Variants in PCLO observed in about 807,000 individuals in gnomAD.
The protein encoded by PCLO is protein piccolo.
A neutral mutation model predicts 427.5 loss-of-function variants in PCLO; 82 were observed. That is an observed-to-expected ratio of 0.19 (90% CI 0.16 to 0.23). PCLO has a LOEUF of 0.23. PCLO is among the 10% of genes least tolerant of loss of function. The probability of loss-of-function intolerance (pLI) is 1.00; values close to 1 mark genes in which losing one functional copy is unlikely to be tolerated. For missense variants in PCLO, 6,239 were observed against 6,115.9 expected (o/e 1.02, Z -0.67); for synonymous variants, 2,357 against 2,155.4 (o/e 1.09, Z -2.59).
At chr7:83,103,158 T>C (rs1790776096) in intron 3 of PCLO, among the ~76,000 whole-genome samples, 1 of 152,060 alleles carries the variant, frequency 6.6e-6, no homozygotes, top group African/African-American at 2.4e-5. Context: ...CACTTGGTTA[T>C]TTTTTTGCCA....
chr7:82,802,708 A>G (rs1274699774), intron 21 of PCLO, among the ~76,000 whole-genome samples: 1 of 152,180 alleles, frequency 6.6e-6, no homozygotes, highest in Non-Finnish European at 1.5e-5. Context: ...ACTAACAATT[A>G]ATTATAACTT....
At chr7:82,816,231 T>C (rs1791676248) in intron 20 of PCLO, among the ~76,000 whole-genome samples, 1 of 152,200 alleles carries the variant, frequency 6.6e-6, no homozygotes, top group African/African-American at 2.4e-5. Flanking sequence ...AGTGGAAAAA[T>C]AACTAAGCAT....
intron 3 of PCLO, among the ~76,000 whole-genome samples, chr7:83,031,175 A>C (rs1316947251): frequency 2.0e-5 from 3 of 152,216 alleles, no homozygotes; most frequent in Admixed American, 2.0e-4. Flanking sequence ...AATTTGAAAG[A>C]GTTTATAAAT....
In PCLO at chr7:83,155,517, T is replaced by TGAGCTGGAGGCTTACCAGGACCAAGAG; in HGVS notation, c.1123_1124insCTCTTGGTCCTGGTAAGCCTCCAGCTC (p.Gln374_Gln375insProLeuGlyProGlyLysProProAla). 1 of 1,609,456 alleles carries TGAGCTGGAGGCTTACCAGGACCAAGAG rather than the reference T, an allele frequency of 6.2e-7. No individual in the cohort carries two copies. The highest frequency in any genetic ancestry group is 1.1e-5 in the South Asian group (1 of 90,698). ...CGATGAAGGCTTCTCTGACCCAGTC[T>TGAGCTGGAGGCTTACCAGGACCAAGAG]GCTGAGCTGGAGGCTTAGCAGGACC... On this transcript the variant is annotated inframe_insertion, in exon 2 of 25. Coordinates refer to ENST00000333891, the MANE Select transcript of PCLO (RefSeq NM_033026.6).
chr7:82,901,261 A>AT, intron 9 of PCLO, among the ~76,000 whole-genome samples: 1 of 151,972 alleles, frequency 6.6e-6, no homozygotes, highest in South Asian at 2.1e-4. Flanking sequence ...TCAAAACACG[A>AT]TTTTTGATAT....
chr7:83,143,082 T>A lies in PCLO; in HGVS notation c.1894-7426A>T, dbSNP rs183301092. ...TCTCCTATTTCTCATCATATTATTTTAAAATACTTATTGAAGACCTTCTAT... is the reference window on the plus strand; with the variant it reads ...TCTCCTATTTCTCATCATATTATTTAAAAATACTTATTGAAGACCTTCTAT... On this transcript the variant is annotated intron_variant, in intron 2 of 24. Transcript: ENST00000333891. Among the ~76,000 whole-genome samples the A allele has an allele frequency of 7.1e-3, 1,078 of 152,332 alleles. 7 individuals carry two copies. The highest frequency in any genetic ancestry group is 0.014 in the South Asian group (66 of 4,828).
At position 83,155,072 on chromosome 7, in the gene PCLO, C is replaced by T. The variant is rs371174942; in HGVS notation, c.1569G>A (p.Gln523=). The part of the protein sequence containing the change: ...QPGPAKPSPQ[Q]PGSTKPPSQQ... ...GAGATGGGGGTTTTGTTGAGCCAGGCTGTTGAGGTGAGGGCTTTGCTGGGC... is the reference window on the plus strand; with the variant it reads ...GAGATGGGGGTTTTGTTGAGCCAGGTTGTTGAGGTGAGGGCTTTGCTGGGC... The change falls in exon 2 of 25, where the codon CAG becomes CAA. Residue 523 remains glutamine, a synonymous_variant. Transcript: ENST00000333891. The T allele has an allele frequency of 1.5e-5, 24 of 1,605,992 alleles. No homozygotes were observed. In the African/African-American group the frequency reaches 1.9e-4, roughly 13 times the overall value.
At chr7:82,916,968 T>C (rs144483579) in intron 6 of PCLO, 95 bp from the exon 7 acceptor site, 36 of 840,866 alleles carry the variant, frequency 4.3e-5, no homozygotes, top group Middle Eastern at 6.2e-4. Context: ...AATGATTTCA[T>C]GTATGATTTT....
At chr7:83,115,546 T>C (rs1184900934) in intron 3 of PCLO, among the ~76,000 whole-genome samples, 1 of 152,056 alleles carries the variant, frequency 6.6e-6, no homozygotes, top group Non-Finnish European at 1.5e-5. Flanking sequence ...TAAACGAACA[T>C]CTCTTCTTTC....
rs1796446205 is a variant in PCLO, at chr7:82,994,381, G to A, written c.3301-27894C>T. On this transcript the variant is annotated intron_variant, in intron 3 of 24. Transcript: ENST00000333891. ...GGTGCAACTTAGATATTCAGGAAAG[G>A]AAAGTCTTCCAAAGGAAGTGACGTA... Among the ~76,000 whole-genome samples the A allele has an allele frequency of 2.0e-5, 3 of 151,832 alleles. 1 individual carries two copies. Among genetic ancestry groups the A allele is most frequent in the South Asian group, 4.1e-4 (2 of 4,830 alleles).
intron 4 of PCLO, among the ~76,000 whole-genome samples, chr7:82,958,312 C>T (rs79835499): frequency 1.6e-3 from 242 of 151,020 alleles, no homozygotes; most frequent in African/African-American, 5.7e-3. Flanking sequence ...TTCTTCCTTC[C>T]TTCATCCTTC....
At chr7:82,782,443 T>C (rs565988437) in intron 22 of PCLO, among the ~76,000 whole-genome samples, 1 of 152,336 alleles carries the variant, frequency 6.6e-6, no homozygotes, top group African/African-American at 2.4e-5. Context: ...TTTTCATTTA[T>C]TTTGCTTAAA....
Position 82,955,463 on chromosome 7 carries a change from G to A in PCLO, c.5490C>T (p.Leu1830=), listed in dbSNP as rs376103832. ...TCGGAGATGCATCTTCAATGGGAGAGAGATTACTAGGTGGTGTCTTTGGCC... is the reference window on the plus strand; with the variant it reads ...TCGGAGATGCATCTTCAATGGGAGAAAGATTACTAGGTGGTGTCTTTGGCC... ...RERPKTPPSN[L]SPIEDASPTE... The change falls in exon 5 of 25, where the codon CTC becomes CTT. Residue 1830 remains leucine, a synonymous_variant. Transcript: ENST00000333891. 1.8e-5 allele frequency: 29 copies of A among 1,613,564 alleles called. No homozygotes were observed. The highest frequency in any genetic ancestry group is 1.9e-5 in the Non-Finnish European group (23 of 1,179,780).
chr7:82,991,118 T>C (rs1309936276), intron 3 of PCLO, among the ~76,000 whole-genome samples: 2 of 152,156 alleles, frequency 1.3e-5, no homozygotes, highest in Non-Finnish European at 2.9e-5. Flanking sequence ...GAATTCTTTC[T>C]ATCCAATGGG....
intron 6 of PCLO, among the ~76,000 whole-genome samples, chr7:82,940,560 G>C (rs956195801): frequency 6.6e-6 from 1 of 151,958 alleles, no homozygotes; most frequent in Non-Finnish European, 1.5e-5. Flanking sequence ...AAAGGAAGAG[G>C]GAATGGCGAG....
chr7:83,059,605 C>T (rs759604642), intron 3 of PCLO, among the ~76,000 whole-genome samples: 3 of 151,860 alleles, frequency 2.0e-5, no homozygotes, highest in Non-Finnish European at 2.9e-5. Flanking sequence ...TTTAACCAAT[C>T]TCCATGCATT....
At chr7:82,864,101 G>A (rs954050050) in intron 10 of PCLO, among the ~76,000 whole-genome samples, 2 of 151,800 alleles carry the variant, frequency 1.3e-5, no homozygotes, top group Non-Finnish European at 2.9e-5. Flanking sequence ...GTATTATAAA[G>A]GTTTTTTTAA....
chr7:82,792,789 T>C (rs538069151), intron 22 of PCLO, among the ~76,000 whole-genome samples: 6 of 152,300 alleles, frequency 3.9e-5, no homozygotes, highest in South Asian at 2.1e-4. Context: ...TCATATTTCT[T>C]AAAATAATTT....
At chr7:83,093,804 T>TAA (rs55783549) in intron 3 of PCLO, among the ~76,000 whole-genome samples, 58 of 126,730 alleles carry the variant, frequency 4.6e-4, no homozygotes, top group African/African-American at 1.2e-3. Context: ...CCACAAATAT[T>TAA]AAAAAAAAAA....
Sources: allele counts gnomAD v4.1 joint callset (sites outside exome capture counted in the v4.1 genomes callset), GRCh38; gene constraint gnomAD v4.1.1; transcripts MANE v1.5; gene names NCBI Gene and HGNC (gene_info 2026-07-23, HGNC 2026-07-21).